The following SULF2 variants were observed in gnomAD, a reference collection of about 807,000 sequenced individuals.
SULF2 encodes sulfatase 2, also known as extracellular sulfatase Sulf-2.
SULF2 carries 52 observed loss-of-function variants against 107.7 expected under a neutral mutation model. The ratio of observed to expected loss-of-function variants is 0.48; its 90% CI spans 0.39 to 0.61. The LOEUF (loss-of-function observed/expected upper bound fraction) is 0.61, where lower values mean the gene tolerates loss of function less well. Ranked by LOEUF, SULF2 falls within the 20% of genes least tolerant of loss-of-function variation. The probability of loss-of-function intolerance (pLI) is 0.00; values close to 1 mark genes in which losing one functional copy is unlikely to be tolerated. For missense variants in SULF2, 993 were observed against 1,177.3 expected, an observed-to-expected ratio of 0.84 and a Z score of 2.29; for synonymous variants, 460 against 464.3, an observed-to-expected ratio of 0.99 and a Z score of 0.12.
chr20:47,688,998 A>T (rs2088107629), intron 5 of SULF2, among the ~76,000 whole-genome samples: 1 of 151,972 alleles, frequency 6.6e-6, no homozygotes, highest in Admixed American at 6.6e-5. Context: ...GGCAGAGAGA[A>T]GCAGGAGAAC....
chr20:47,737,860 T>C (rs929566326), intron 2 of SULF2, among the ~76,000 whole-genome samples: 1 of 146,226 alleles, frequency 6.8e-6, no homozygotes, highest in Non-Finnish European at 1.5e-5. Flanking sequence ...CTTCCCGGGT[T>C]CAAGCGATTC....
chr20:47,675,151 C>T (rs1256754311), intron 10 of SULF2, among the ~76,000 whole-genome samples: 7 of 152,204 alleles, frequency 4.6e-5, no homozygotes, highest in South Asian at 2.1e-4. Context: ...GACTTGACAA[C>T]GTTCCCTCGT....
chr20:47,754,025 C>A (rs1456871988), intron 2 of SULF2, among the ~76,000 whole-genome samples: 1 of 152,132 alleles, frequency 6.6e-6, no homozygotes, highest in African/African-American at 2.4e-5. Flanking sequence ...CTAGTATGGC[C>A]CTGGAAGCAG....
At chr20:47,703,774 G>C (rs1233874804) in intron 3 of SULF2, among the ~76,000 whole-genome samples, 1 of 152,180 alleles carries the variant, frequency 6.6e-6, no homozygotes, top group Admixed American at 6.5e-5. Context: ...TCAACAAAAG[G>C]ATGGGTAAAG....
chr20:47,737,131 C>T (rs555840898), intron 2 of SULF2, among the ~76,000 whole-genome samples, 189 bp from the exon 3 acceptor site: 129 of 152,192 alleles, frequency 8.5e-4, no homozygotes, highest in African/African-American at 2.9e-3. Flanking sequence ...CCCTGGGTCC[C>T]GAGTCCACCT....
At chr20:47,702,398 C>T in intron 4 of SULF2, 121 bp downstream of exon 4, 2 of 1,186,884 alleles carry the variant, frequency 1.7e-6, no homozygotes, top group Non-Finnish European at 2.3e-6. Context: ...ATGTAAAATG[C>T]TCAAGGTCAC....
intron 3 of SULF2, among the ~76,000 whole-genome samples, chr20:47,704,008 G>T (rs916930915): frequency 1.3e-5 from 2 of 152,160 alleles, no homozygotes; most frequent in Admixed American, 6.5e-5. Flanking sequence ...CCTGGAGACT[G>T]GGGGAGGGTG....
chr20:47,695,600 C>T (rs2088348045), intron 4 of SULF2, among the ~76,000 whole-genome samples: 1 of 152,132 alleles, frequency 6.6e-6, no homozygotes, highest in Admixed American at 6.6e-5. Context: ...CATGTTGCTG[C>T]ATATGATAGG....
rs2087139574 is a variant in SULF2 at position 47,663,117 on chromosome 20, C to T, written c.2323G>A (p.Ala775Thr). 1 of 1,614,170 alleles carries T rather than the reference C, an allele frequency of 6.2e-7. No homozygotes were observed. The highest frequency in any genetic ancestry group is 8.5e-7 in the Non-Finnish European group (1 of 1,180,028). ...ETHNFLFCEF[A>T]TGFLEYFDLN... Reference sequence around the variant, plus strand: ...TCAAAGTACTCTAGGAAGCCAGTTGCAAATTCACAGAAGAGGAAATTGTGA... The same window carrying T: ...TCAAAGTACTCTAGGAAGCCAGTTGTAAATTCACAGAAGAGGAAATTGTGA... Residue 775 changes from alanine (A) to threonine (T), a missense_variant, in exon 17 of 21, where the codon GCA becomes ACA. By Grantham distance (58) the Ala-to-Thr change is moderately conservative (BLOSUM62 0). Coordinates refer to ENST00000688720, the MANE Select transcript of SULF2 (RefSeq NM_001387048.1).
intron 14 of SULF2, 29 bp from the exon 15 acceptor site, chr20:47,664,218 TC>T: frequency 6.2e-7 from 1 of 1,604,572 alleles, no homozygotes; most frequent in Non-Finnish European, 8.5e-7. Context: ...GCCCCAGGCT[TC>T]AGGAGTGGCT....
intron 2 of SULF2, among the ~76,000 whole-genome samples, chr20:47,751,206 C>T (rs1028090538): frequency 6.6e-6 from 1 of 152,210 alleles, no homozygotes; most frequent in African/African-American, 2.4e-5. Flanking sequence ...CTTCAGAGAG[C>T]GCCATGTGAG....
At chr20:47,717,130 C>T (rs571703588) in intron 3 of SULF2, among the ~76,000 whole-genome samples, 47 of 152,158 alleles carry the variant, frequency 3.1e-4, no homozygotes, top group Admixed American at 5.9e-4. Context: ...AGGAAAATGA[C>T]GGTAAAAAGG....
intron 1 of SULF2, among the ~76,000 whole-genome samples, chr20:47,774,811 G>T (rs1329773319): frequency 3.3e-5 from 5 of 152,166 alleles, no homozygotes; most frequent in African/African-American, 1.2e-4. Flanking sequence ...CTGCCAAGGG[G>T]TGATCATGTG....
rs1029032588 is a variant in SULF2, at chr20:47,765,123, G to A, written c.-100-7660C>T. Among the ~76,000 whole-genome samples the A allele has an allele frequency of 8.5e-5, 13 of 152,194 alleles. 1 individual carries two copies. Among genetic ancestry groups the A allele is most frequent in the South Asian group, 2.1e-4 (1 of 4,816 alleles). On this transcript the variant is annotated intron_variant, in intron 1 of 20. Coordinates refer to ENST00000688720, the MANE Select transcript of SULF2 (RefSeq NM_001387048.1). ...TCCCAGCACTTTGGGAGGCCAAGGCGGGCGGATCACGAGGTCAGGAGATCG... is the reference window on the plus strand; with the variant it reads ...TCCCAGCACTTTGGGAGGCCAAGGCAGGCGGATCACGAGGTCAGGAGATCG...
chr20:47,700,070 G>A (rs187009478), intron 4 of SULF2, among the ~76,000 whole-genome samples: 1 of 152,292 alleles, frequency 6.6e-6, no homozygotes, highest in South Asian at 2.1e-4. Flanking sequence ...TACCAGCTGT[G>A]GGGGGATGTC....
chr20:47,733,646 G>A lies in SULF2; in HGVS notation c.415+3057C>T, dbSNP rs996654526. Among the ~76,000 whole-genome samples the A allele has an allele frequency of 3.9e-5, 6 of 152,200 alleles. No individual in the cohort carries two copies. The Middle Eastern group carries it at 0.014, about 345-fold the overall frequency. ...AAATTAGTCAGGCGTAGTGGCAGGC[G>A]TCTGTAATCTCAGCTATTCAGGAGG... On this transcript the variant is annotated intron_variant, in intron 3 of 20. Coordinates refer to ENST00000688720, the MANE Select transcript of SULF2 (RefSeq NM_001387048.1).
chr20:47,721,627 C>T (rs922368882), intron 3 of SULF2, among the ~76,000 whole-genome samples: 2 of 152,212 alleles, frequency 1.3e-5, no homozygotes, highest in African/African-American at 2.4e-5. Context: ...GCCTCAGCCT[C>T]CCAAAGTGCT....
intron 5 of SULF2, chr20:47,686,318 G>T (rs144026094): frequency 1.3e-5 from 2 of 152,364 alleles, no homozygotes; most frequent in Non-Finnish European, 2.9e-5. Flanking sequence ...AGCAAACCAA[G>T]AGCACCTCCT....
At chr20:47,699,665 G>C (rs1046134707) in intron 4 of SULF2, among the ~76,000 whole-genome samples, 2 of 152,146 alleles carry the variant, frequency 1.3e-5, no homozygotes, top group African/African-American at 2.4e-5. Flanking sequence ...ACGACATGGT[G>C]GGCTGAAGGG....
Sources: allele counts gnomAD v4.1 joint callset (sites outside exome capture counted in the v4.1 genomes callset), GRCh38; gene constraint gnomAD v4.1.1; transcripts MANE v1.5; gene names NCBI Gene and HGNC (gene_info 2026-07-23, HGNC 2026-07-21).